Variants in COLEC11 observed in about 807,000 individuals in gnomAD.
The protein encoded by COLEC11 is collectin-11.
In COLEC11, 20 loss-of-function variants were observed where a neutral mutation model predicts 27.3. The observed-to-expected ratio is 0.73, with a 90% CI of 0.51 to 1.06. The LOEUF (loss-of-function observed/expected upper bound fraction) is 1.06, where lower values mean the gene tolerates loss of function less well. Ranked by LOEUF, COLEC11 falls within the 50% of genes least tolerant of loss-of-function variation. COLEC11 has a pLI of 0.00. For synonymous variants in COLEC11, 163 were observed against 154.7 expected (o/e 1.05, Z -0.40); for missense variants, 310 against 383.0 (o/e 0.81, Z 1.59).
chr2:3,619,368 T>C lies in COLEC11; in HGVS notation c.202+5986T>C, dbSNP rs534394459. Among the ~76,000 whole-genome samples the C allele has an allele frequency of 9.2e-5, 14 of 152,354 alleles. No homozygotes were observed. The East Asian group carries it at 2.5e-3, about 27-fold the overall frequency. Reference sequence around the variant, plus strand: ...TGTTTCTGATTTTAGAGTAAAGCTTTCAGCTTTTCACCAGTGAGTATGATG... The same window carrying C: ...TGTTTCTGATTTTAGAGTAAAGCTTCCAGCTTTTCACCAGTGAGTATGATG... On this transcript the variant is annotated intron_variant, in intron 3 of 6. Coordinates refer to ENST00000349077, the MANE Select transcript of COLEC11 (RefSeq NM_024027.5).
intron 5 of COLEC11, chr2:3,641,383 C>T: frequency 7.7e-7 from 1 of 1,300,850 alleles, no homozygotes; most frequent in Non-Finnish European, 1.0e-6. Flanking sequence ...AGGCACTCAG[C>T]CAACCTGAGG....
intron 3 of COLEC11, among the ~76,000 whole-genome samples, chr2:3,615,773 C>A (rs190600695): frequency 0.023 from 3,447 of 150,544 alleles, 147 homozygotes; most frequent in African/African-American, 0.078. Flanking sequence ...AGGCTCCCCC[C>A]ACCTCCCAGA....
chr2:3,641,368 C>T (rs1391814516), intron 5 of COLEC11: 3 of 1,301,798 alleles, frequency 2.3e-6, no homozygotes, highest in South Asian at 2.5e-5. Context: ...GCTCAGGGCA[C>T]CTCCAGGCAC....
intron 3 of COLEC11, chr2:3,626,042 A>T (rs1386605189): frequency 1.2e-6 from 2 of 1,614,060 alleles, no homozygotes; most frequent in Non-Finnish European, 1.7e-6. Flanking sequence ...ACAGCTTCTG[A>T]CATCTCCAAA....
At chr2:3,616,455 C>G (rs1333687980) in intron 3 of COLEC11, among the ~76,000 whole-genome samples, 1 of 152,220 alleles carries the variant, frequency 6.6e-6, no homozygotes, top group Admixed American at 6.5e-5. Flanking sequence ...CCACTGCACT[C>G]CAGCCTGGGC....
In COLEC11 at chr2:3,613,204, C is replaced by T. The variant is rs6748147; in HGVS notation, c.131-107C>T. ...GTAGGGAGAGAAGGGGCTTGGCCAC[C>T]TGCAGGGACCCGGGGAGAACGCTTC... On this transcript the variant is annotated intron_variant, in intron 2 of 6. Transcript: ENST00000349077. 12,705 of 1,269,390 alleles carry T rather than the reference C, an allele frequency of 0.01. 935 individuals are homozygous for T. The African/African-American group carries it at 0.16, about 16-fold the overall frequency. The allele number at this position is 1,269,390 out of a possible 1,614,324, so 78.6% of individuals were successfully genotyped here. A position where few individuals can be genotyped will look rare whatever the true frequency, so the allele number is the denominator to read the frequency against.
At chr2:3,633,453 G>T (rs572986567) in intron 3 of COLEC11, among the ~76,000 whole-genome samples, 1 of 152,204 alleles carries the variant, frequency 6.6e-6, no homozygotes, top group African/African-American at 2.4e-5. Flanking sequence ...ACCTGTCTCC[G>T]GCGAGTAGAG....
intron 2 of COLEC11, 75 bp from the exon 3 acceptor site, chr2:3,613,236 T>C: frequency 1.3e-5 from 20 of 1,492,038 alleles, no homozygotes; most frequent in Non-Finnish European, 1.8e-5. Flanking sequence ...CTTCTAACTG[T>C]TCTTCCTCCA....
chr2:3,640,175 G>T (rs1033077454), intron 4 of COLEC11, 103 bp from the exon 5 acceptor site: 3 of 770,312 alleles, frequency 3.9e-6, no homozygotes, highest in East Asian at 2.6e-5. Context: ...AGAGGGCCTG[G>T]GATAAATCCG....
intron 3 of COLEC11, among the ~76,000 whole-genome samples, chr2:3,628,628 C>G (rs13019094): frequency 0.39 from 58,720 of 152,170 alleles, 13,843 homozygotes; most frequent in South Asian, 0.59. Context: ...CCCCACCCCC[C>G]ATTCGAGGAG....
At chr2:3,630,743 C>T (rs1468553975) in intron 3 of COLEC11, among the ~76,000 whole-genome samples, 1 of 152,208 alleles carries the variant, frequency 6.6e-6, no homozygotes, top group Non-Finnish European at 1.5e-5. Flanking sequence ...TCAAAACCCT[C>T]TGATAGTAGG....
At position 3,602,855 on chromosome 2, in the gene COLEC11, G is replaced by A. The variant is rs968172853; in HGVS notation, c.-26-1460G>A. ...GCTTCCCTGGCAACCATCCTGAACAGCAGCATGTGTCCCGGCCACTGGACT... is the reference window on the plus strand; with the variant it reads ...GCTTCCCTGGCAACCATCCTGAACAACAGCATGTGTCCCGGCCACTGGACT... On this transcript the variant is annotated intron_variant, in intron 1 of 6. Coordinates refer to ENST00000349077, the MANE Select transcript of COLEC11 (RefSeq NM_024027.5). This position sits in a 1 kb window ranked among gnomAD's most constrained non-coding sequence, Gnocchi z 6.2. Among the ~76,000 whole-genome samples, 1 of 152,200 alleles carries A rather than the reference G, an allele frequency of 6.6e-6. No individual in the cohort carries two copies. Among genetic ancestry groups the A allele is most frequent in the African/African-American group, 2.4e-5 (1 of 41,442 alleles).
At chr2:3,608,913 A>G (rs1444306120) in intron 2 of COLEC11, among the ~76,000 whole-genome samples, 1 of 152,216 alleles carries the variant, frequency 6.6e-6, no homozygotes, top group Non-Finnish European at 1.5e-5. Flanking sequence ...GGTGTCTTCC[A>G]GGGCATATTT....
At chr2:3,637,694 T>A in intron 4 of COLEC11, 90 bp downstream of exon 4, 1 of 1,020,132 alleles carries the variant, frequency 9.8e-7, no homozygotes, top group Admixed American at 1.8e-5. Flanking sequence ...CTGAATTGTC[T>A]CGTCTGGTGC....
chr2:3,603,835 G>A (rs1371257298), intron 1 of COLEC11: 4 of 641,250 alleles, frequency 6.2e-6, no homozygotes, highest in Non-Finnish European at 8.2e-6. Context: ...AAGGAGATGT[G>A]GGGGCGTGGA....
intron 3 of COLEC11, among the ~76,000 whole-genome samples, chr2:3,629,669 T>G (rs1018281117): frequency 6.6e-6 from 1 of 152,200 alleles, no homozygotes; most frequent in Non-Finnish European, 1.5e-5. Flanking sequence ...TGTGTATGTG[T>G]GCTCCTGTAG....
intron 3 of COLEC11, among the ~76,000 whole-genome samples, chr2:3,620,019 A>C (rs1480117353): frequency 6.6e-6 from 1 of 152,188 alleles, no homozygotes; most frequent in East Asian, 1.9e-4. Flanking sequence ...TTGGCCTGTA[A>C]TCTTTTTTTC....
chr2:3,622,503 T>C (rs145917885), intron 3 of COLEC11, among the ~76,000 whole-genome samples: 1 of 152,362 alleles, frequency 6.6e-6, no homozygotes, highest in African/African-American at 2.4e-5. Context: ...AAAACTCACG[T>C]TGAAACTTGA....
At chr2:3,613,843 G>A (rs546747799) in intron 3 of COLEC11, among the ~76,000 whole-genome samples, 121 of 152,316 alleles carry the variant, frequency 7.9e-4, no homozygotes, top group Non-Finnish European at 1.3e-3. Context: ...GATCATACGT[G>A]TAAAGGAAAT....
Sources: gnomAD v4.1 joint callset for allele counts (sites outside exome capture counted in the v4.1 genomes callset) on GRCh38, gnomAD v4.1.1 for gene constraint, Gnocchi (gnomAD v3.1) non-coding constraint, MANE v1.5 for transcripts, NCBI Gene and HGNC (gene_info 2026-07-23, HGNC 2026-07-21) for gene names.